Variants in CSMD1 observed in about 807,000 individuals in gnomAD.
The protein encoded by CSMD1 is CUB and sushi domain-containing protein 1.
Under a neutral mutation model 417.5 loss-of-function variants are expected in CSMD1, and 213 were observed. The ratio of observed to expected loss-of-function variants is 0.51; its 90% CI spans 0.46 to 0.57. The LOEUF (loss-of-function observed/expected upper bound fraction) is 0.57, where lower values mean the gene tolerates loss of function less well. Ranked by LOEUF, CSMD1 falls within the 20% of genes least tolerant of loss-of-function variation. CSMD1 has a pLI of 0.00. For missense variants in CSMD1, 6,923 were observed against 4,529.7 expected (o/e 1.53, Z -15.17); for synonymous variants, 2,862 against 1,736.8 (o/e 1.65, Z -16.11).
chr8:4,202,412 G>A (rs1208286625), intron 3 of CSMD1, among the ~76,000 whole-genome samples: 3 of 152,132 alleles, frequency 2.0e-5, no homozygotes, highest in East Asian at 3.9e-4. Flanking sequence ...TTTTTCACAA[G>A]AATGGAAGAA....
At chr8:4,716,498 C>T (rs1262040295) in intron 1 of CSMD1, among the ~76,000 whole-genome samples, 2 of 152,148 alleles carry the variant, frequency 1.3e-5, no homozygotes, top group African/African-American at 4.8e-5. Flanking sequence ...ATTCATAATA[C>T]TTCAACATCC....
At chr8:4,727,968 AATAT>A (rs10663067) in intron 1 of CSMD1, among the ~76,000 whole-genome samples, 1 of 141,908 alleles carries the variant, frequency 7.0e-6, no homozygotes, top group African/African-American at 2.6e-5. Flanking sequence ...ATATATACAA[AATAT>A]ATATGTATAT....
intron 1 of CSMD1, among the ~76,000 whole-genome samples, chr8:4,905,990 A>T (rs1192776809): frequency 5.3e-5 from 8 of 152,114 alleles, no homozygotes; most frequent in Admixed American, 5.2e-4. Flanking sequence ...CGGCAACACC[A>T]CTTTTGGCAG....
intron 5 of CSMD1, among the ~76,000 whole-genome samples, chr8:3,795,889 G>A (rs1800061323): frequency 1.8e-5 from 1 of 55,786 alleles, no homozygotes; most frequent in Non-Finnish European, 3.8e-5. Context: ...TATCTATCAT[G>A]TACAGATATA....
chr8:3,094,820 A>AG (rs1253032111), intron 47 of CSMD1, among the ~76,000 whole-genome samples: 16 of 143,642 alleles, frequency 1.1e-4, no homozygotes, highest in African/African-American at 3.9e-4. Flanking sequence ...AAAAAAAAAA[A>AG]GAGAGAGAGA....
intron 5 of CSMD1, among the ~76,000 whole-genome samples, chr8:3,855,133 T>C (rs1014457312): frequency 6.6e-6 from 1 of 152,176 alleles, no homozygotes; most frequent in Non-Finnish European, 1.5e-5. Flanking sequence ...TTTTCTGTAC[T>C]CTCTATTTTC....
intron 2 of CSMD1, among the ~76,000 whole-genome samples, chr8:4,576,629 T>G (rs888449246): frequency 1.2e-4 from 18 of 152,282 alleles, no homozygotes; most frequent in African/African-American, 4.1e-4. Flanking sequence ...TATATAGCAT[T>G]TATTAAATAA....
chr8:3,356,974 C>T (rs1434483015), intron 21 of CSMD1, among the ~76,000 whole-genome samples: 2 of 152,008 alleles, frequency 1.3e-5, no homozygotes, highest in African/African-American at 4.8e-5. Flanking sequence ...GGAGCTGCGG[C>T]CCCTGGGGTT....
At chr8:4,375,590 A>C (rs1802681718) in intron 3 of CSMD1, among the ~76,000 whole-genome samples, 1 of 152,082 alleles carries the variant, frequency 6.6e-6, no homozygotes, top group Admixed American at 6.6e-5. Context: ...ACTCCTACTG[A>C]GGAAGAAGGC....
At chr8:3,271,851 T>C (rs1195310379) in intron 26 of CSMD1, among the ~76,000 whole-genome samples, 2 of 152,152 alleles carry the variant, frequency 1.3e-5, no homozygotes, top group African/African-American at 4.8e-5. Flanking sequence ...GATGAGTAGG[T>C]TGTGAAAATT....
In CSMD1 at chr8:4,875,692, G is replaced by C. The variant is rs192887744; in HGVS notation, c.85+118640C>G. ...GAAAAGTAATCAGTTATAAACCTAA[G>C]TAGAGCTGAGAAACCAAGATAAATA... On this transcript the variant is annotated intron_variant, in intron 1 of 69. Coordinates refer to ENST00000635120, the MANE Select transcript of CSMD1 (RefSeq NM_033225.6). 1.4e-3 allele frequency among the ~76,000 whole-genome samples: 208 copies of C among 152,238 alleles called. 3 individuals carry two copies. Among genetic ancestry groups the C allele is most frequent in the African/African-American group, 4.5e-3 (185 of 41,524 alleles).
intron 3 of CSMD1, among the ~76,000 whole-genome samples, chr8:4,245,441 G>A (rs1802645536): frequency 6.6e-6 from 1 of 152,100 alleles, no homozygotes; most frequent in Admixed American, 6.5e-5. Context: ...GTTAGGTGGT[G>A]CTCAACACAA....
Position 4,757,278 on chromosome 8 carries a change from T to C in CSMD1, c.86-119720A>G, listed in dbSNP as rs185166529. ...ATTTTAAAAGTTTGCAAAATGATAA[T>C]GGAAATAAAAGATATACGTGACTAA... On this transcript the variant is annotated intron_variant, in intron 1 of 69. Transcript: ENST00000635120. Among the ~76,000 whole-genome samples the C allele has an allele frequency of 1.1e-4, 17 of 152,314 alleles. No individual in the cohort carries two copies. In the East Asian group the frequency reaches 3.1e-3, roughly 28 times the overall value.
intron 3 of CSMD1, among the ~76,000 whole-genome samples, chr8:4,214,666 G>C (rs1359213344): frequency 1.3e-5 from 2 of 152,124 alleles, no homozygotes; most frequent in African/African-American, 4.8e-5. Context: ...GTGTGTGTAT[G>C]AGTATGAGTG....
intron 4 of CSMD1, among the ~76,000 whole-genome samples, chr8:4,028,049 G>C (rs1455608123): frequency 2.0e-5 from 3 of 152,044 alleles, no homozygotes; most frequent in African/African-American, 4.8e-5. Context: ...TAGGTTTTGA[G>C]GCCACCACTG....
intron 3 of CSMD1, among the ~76,000 whole-genome samples, chr8:4,040,363 A>G (rs1797824397): frequency 6.6e-6 from 1 of 152,220 alleles, no homozygotes; most frequent in African/African-American, 2.4e-5. Context: ...CCCATTTTAA[A>G]CAAACAAACA....
At chr8:3,920,734 T>A (rs1265148125) in intron 5 of CSMD1, among the ~76,000 whole-genome samples, 3 of 65,370 alleles carry the variant, frequency 4.6e-5, no homozygotes, top group African/African-American at 1.1e-4. Context: ...ATTGAGATGA[T>A]CCTATAAATA....
intron 3 of CSMD1, among the ~76,000 whole-genome samples, chr8:4,361,751 C>A (rs555787620): frequency 6.6e-6 from 1 of 151,678 alleles, no homozygotes; most frequent in Admixed American, 6.6e-5. Flanking sequence ...GTCAGGAGAT[C>A]GAGACCATCC....
chr8:3,999,689 C>T (rs774274794), intron 4 of CSMD1, among the ~76,000 whole-genome samples: 3 of 152,180 alleles, frequency 2.0e-5, no homozygotes, highest in Non-Finnish European at 2.9e-5. Flanking sequence ...TAGGCATTCT[C>T]ATGCTGTTTA....
Sources: gnomAD v4.1 joint callset for allele counts (sites outside exome capture counted in the v4.1 genomes callset) on GRCh38, gnomAD v4.1.1 for gene constraint, MANE v1.5 for transcripts, NCBI Gene and HGNC (gene_info 2026-07-23, HGNC 2026-07-21) for gene names.